Variants in NR3C2 observed in about 807,000 individuals in gnomAD.
NR3C2 encodes the protein mineralocorticoid receptor.
NR3C2 carries 15 observed loss-of-function variants against 86.4 expected under a neutral mutation model. The observed-to-expected ratio is 0.17, with a 90% CI of 0.12 to 0.27. The LOEUF is 0.27. Ranked by LOEUF, NR3C2 falls within the 10% of genes least tolerant of loss-of-function variation. NR3C2 has a pLI of 1.00. For missense variants in NR3C2, 960 were observed against 1,195.6 expected (o/e 0.80, Z 2.91); for synonymous variants, 458 against 450.5 (o/e 1.02, Z -0.21).
At chr4:148,212,174 G>T (rs1737315923) in intron 3 of NR3C2, among the ~76,000 whole-genome samples, 1 of 152,222 alleles carries the variant, frequency 6.6e-6, no homozygotes, top group South Asian at 2.1e-4. Context: ...AGCTTTGCAA[G>T]AACACCATCC....
intron 2 of NR3C2, among the ~76,000 whole-genome samples, chr4:148,286,561 TGGAATCTGGATGAAGGA>T (rs1579108234): frequency 6.6e-6 from 1 of 152,180 alleles, no homozygotes; most frequent in East Asian, 1.9e-4. Context: ...GCTCATCCGG[TGGAATCTGGATGAAGGA>T]GAGATGCACC....
intron 3 of NR3C2, among the ~76,000 whole-genome samples, chr4:148,202,855 G>A (rs1265388679): frequency 6.6e-6 from 1 of 152,088 alleles, no homozygotes; most frequent in African/African-American, 2.4e-5. Flanking sequence ...TAAAAGGCAG[G>A]GAACCCAGGG....
chr4:148,097,677 C>T (rs535732376), intron 8 of NR3C2, among the ~76,000 whole-genome samples: 25 of 150,716 alleles, frequency 1.7e-4, no homozygotes, highest in African/African-American at 4.9e-4. Context: ...TGGCCCAGGA[C>T]GGCTTTGAAT....
At chr4:148,264,137 A>G (rs1001294188) in intron 2 of NR3C2, among the ~76,000 whole-genome samples, 1 of 152,142 alleles carries the variant, frequency 6.6e-6, no homozygotes, top group African/African-American at 2.4e-5. Flanking sequence ...TGCACAGAGG[A>G]AAAAAAGAAT....
At chr4:148,152,819 C>T (rs1304728665) in intron 5 of NR3C2, among the ~76,000 whole-genome samples, 1 of 152,128 alleles carries the variant, frequency 6.6e-6, no homozygotes, top group Non-Finnish European at 1.5e-5. Flanking sequence ...ATCCTAAATT[C>T]TAGATGAGGG....
At chr4:148,258,344 GA>G (rs1739928392) in intron 3 of NR3C2, among the ~76,000 whole-genome samples, 1 of 152,232 alleles carries the variant, frequency 6.6e-6, no homozygotes, top group Non-Finnish European at 1.5e-5. Flanking sequence ...ATTAAGGAAA[GA>G]GAGAAGGAGG....
intron 5 of NR3C2, among the ~76,000 whole-genome samples, chr4:148,152,842 G>A (rs1214255453): frequency 2.0e-5 from 3 of 152,134 alleles, no homozygotes; most frequent in Non-Finnish European, 4.4e-5. Context: ...AACTGCCAGG[G>A]CAAACTAAAA....
chr4:148,096,344 C>T (rs1731275657), intron 8 of NR3C2, among the ~76,000 whole-genome samples: 1 of 152,092 alleles, frequency 6.6e-6, no homozygotes, highest in Non-Finnish European at 1.5e-5. Flanking sequence ...ATCCTTCTTG[C>T]AAATGTACAC....
At chr4:148,324,661 G>A (rs1452638785) in intron 2 of NR3C2, among the ~76,000 whole-genome samples, 2 of 152,104 alleles carry the variant, frequency 1.3e-5, no homozygotes, top group Non-Finnish European at 2.9e-5. Context: ...TTTGCTGAGA[G>A]TAAATCTTAA....
chr4:148,163,191 C>G (rs556745265), intron 4 of NR3C2, among the ~76,000 whole-genome samples: 1 of 152,310 alleles, frequency 6.6e-6, no homozygotes, highest in East Asian at 1.9e-4. Flanking sequence ...GAATGTACTA[C>G]TAGCAAGAAC....
At chr4:148,398,710 T>G (rs1409711638) in intron 2 of NR3C2, among the ~76,000 whole-genome samples, 3 of 152,182 alleles carry the variant, frequency 2.0e-5, no homozygotes, top group African/African-American at 7.2e-5. Flanking sequence ...GTAAGACATA[T>G]AAATCTGTAA....
chr4:148,388,799 A>C (rs554700667), intron 2 of NR3C2, among the ~76,000 whole-genome samples: 1 of 152,278 alleles, frequency 6.6e-6, no homozygotes, highest in Non-Finnish European at 1.5e-5. Context: ...CTTTAGTCGC[A>C]AGGCTTGCAG....
intron 2 of NR3C2, among the ~76,000 whole-genome samples, chr4:148,324,787 G>A (rs1743867680): frequency 6.6e-6 from 1 of 152,108 alleles, no homozygotes; most frequent in African/African-American, 2.4e-5. Context: ...TCTTAAATAT[G>A]TACAATTTTT....
intron 2 of NR3C2, among the ~76,000 whole-genome samples, chr4:148,272,607 T>C (rs952654219): frequency 6.6e-6 from 1 of 152,236 alleles, no homozygotes; most frequent in African/African-American, 2.4e-5. Context: ...TCAATTTAAG[T>C]ATTTTCCAAG....
chr4:148,365,099 T>C (rs1223507101), intron 2 of NR3C2, among the ~76,000 whole-genome samples: 2 of 152,212 alleles, frequency 1.3e-5, no homozygotes, highest in African/African-American at 4.8e-5. Flanking sequence ...ATGCTACCAA[T>C]AAGCAATCCT....
At chr4:148,378,674 T>C (rs568522943) in intron 2 of NR3C2, among the ~76,000 whole-genome samples, 2 of 152,340 alleles carry the variant, frequency 1.3e-5, no homozygotes, top group South Asian at 2.1e-4. Flanking sequence ...TCTTCTGCTA[T>C]GATGGTAAGA....
intron 3 of NR3C2, among the ~76,000 whole-genome samples, chr4:148,243,080 G>C (rs1560997084): frequency 6.6e-6 from 1 of 151,402 alleles, no homozygotes. Context: ...ACCCAGGCTG[G>C]AGTACAGTGG....
At chr4:148,308,039 T>C (rs1420321599) in intron 2 of NR3C2, among the ~76,000 whole-genome samples, 2 of 152,142 alleles carry the variant, frequency 1.3e-5, no homozygotes, top group African/African-American at 2.4e-5. Flanking sequence ...GTTTTGCTTA[T>C]GAGGTTTGTG....
At chr4:148,096,612 C>T (rs1731287057) in intron 8 of NR3C2, among the ~76,000 whole-genome samples, 2 of 152,148 alleles carry the variant, frequency 1.3e-5, no homozygotes, top group African/African-American at 2.4e-5. Context: ...AACGGTCTGG[C>T]AAACTACAGT....
Sources: gnomAD v4.1 joint callset for allele counts (sites outside exome capture counted in the v4.1 genomes callset) on GRCh38, gnomAD v4.1.1 for gene constraint, MANE v1.5 for transcripts, NCBI Gene and HGNC (gene_info 2026-07-23, HGNC 2026-07-21) for gene names.